VPS13A: variants seen among roughly 807,000 people sequenced by gnomAD.
VPS13A encodes vacuolar protein sorting 13 homolog A.
Under a neutral mutation model 390.9 loss-of-function variants are expected in VPS13A, and 264 were observed. The ratio of observed to expected loss-of-function variants is 0.68; its 90% confidence interval spans 0.61 to 0.75. The LOEUF (loss-of-function observed/expected upper bound fraction) is 0.75, where lower values mean the gene tolerates loss of function less well. VPS13A is among the 30% of genes least tolerant of loss of function. VPS13A has a pLI of 0.00. For missense variants in VPS13A, 3,409 were observed against 3,733.9 expected (o/e 0.91, Z 2.27); for synonymous variants, 1,231 against 1,227.1 (o/e 1.00, Z -0.07).
At chr9:77,335,918 G>A (rs1016055349) in intron 46 of VPS13A, among the ~76,000 whole-genome samples, 2 of 152,126 alleles carry the variant, frequency 1.3e-5, no homozygotes, top group Non-Finnish European at 2.9e-5. Context: ...TATGTTTATT[G>A]CAGCACTGTT....
chr9:77,198,323 A>T (rs62573165), intron 1 of VPS13A, among the ~76,000 whole-genome samples: 15,599 of 152,122 alleles, frequency 0.1, 821 homozygotes, highest in Middle Eastern at 0.13. Context: ...ATAAACTGTC[A>T]TAATTTATTG....
At position 77,345,160 on chromosome 9, in the gene VPS13A, A is replaced by G. The variant is rs574695490; in HGVS notation, c.7289+18A>G. ...AATCAAAGGTAAGATTATCACAAAT[A>G]CAGTAACTCTTGATGGTGTAAGTCT... On this transcript the variant is annotated intron_variant, in intron 52 of 71. Transcript: ENST00000360280. 1.9e-6 allele frequency: 3 copies of G among 1,611,734 alleles called. No individual in the cohort carries two copies. The East Asian group carries it at 6.7e-5, about 36-fold the overall frequency.
At chr9:77,200,954 ATTC>A (rs1197937358) in intron 2 of VPS13A, among the ~76,000 whole-genome samples, 2 of 152,176 alleles carry the variant, frequency 1.3e-5, no homozygotes, top group East Asian at 3.8e-4. Context: ...TTAAAAGGCT[ATTC>A]TTTGAATGGG....
At position 77,226,875 on chromosome 9, in the gene VPS13A, G is replaced by A. The variant is rs11145345; in HGVS notation, c.1357+277G>A. ...AATAAATAAATAAAAATTCCAAAGT[G>A]TTCTCCATTGTAAATTTTTATTGAA... On this transcript the variant is annotated intron_variant, in intron 15 of 71. Coordinates refer to ENST00000360280, the MANE Select transcript of VPS13A (RefSeq NM_033305.3). 0.1 allele frequency among the ~76,000 whole-genome samples: 15,533 copies of A among 152,050 alleles called. 823 individuals carry two copies. Among genetic ancestry groups the A allele is most frequent in the Middle Eastern group, 0.13 (38 of 292 alleles).
chr9:77,410,674 A>G (rs1203316045), intron 71 of VPS13A, among the ~76,000 whole-genome samples: 2 of 152,158 alleles, frequency 1.3e-5, no homozygotes, highest in South Asian at 2.1e-4. Flanking sequence ...CTTTAAACCA[A>G]CAAAGATCAA....
rs973414822 is a variant in VPS13A, at chr9:77,419,072, C to CAAAT, written c.*3068_*3071dup. ...GCCTGTAGAAGCTCAAAGTGTGTAC[C>CAAAT]AAATACATTGACAGTGGATGCTTTC... On this transcript the variant is annotated 3_prime_UTR_variant, in exon 72 of 72. Transcript: ENST00000360280. 1 of 152,090 alleles carries CAAAT rather than the reference C, an allele frequency of 6.6e-6. No homozygotes were observed. Among genetic ancestry groups the CAAAT allele is most frequent in the African/African-American group, 2.4e-5 (1 of 41,414 alleles). The allele number at this position is 152,090 out of a possible 1,614,324, so 9.4% of individuals were successfully genotyped here.
intron 12 of VPS13A, among the ~76,000 whole-genome samples, chr9:77,220,812 A>G (rs1010150514): frequency 1.3e-5 from 2 of 152,080 alleles, no homozygotes; most frequent in Non-Finnish European, 2.9e-5. Context: ...TTAAAACTCA[A>G]AAGTCTTGTT....
chr9:77,246,630 T>G (rs1415278615), intron 19 of VPS13A, among the ~76,000 whole-genome samples: 1 of 152,164 alleles, frequency 6.6e-6, no homozygotes, highest in African/African-American at 2.4e-5. Flanking sequence ...AATAATTTGT[T>G]TAGATTTAAA....
chr9:77,316,520 T>C, intron 39 of VPS13A, 114 bp downstream of exon 39: 1 of 859,640 alleles, frequency 1.2e-6, no homozygotes, highest in Non-Finnish European at 1.9e-6. Flanking sequence ...GTAAAATGTC[T>C]TTCTCTCTGC....
At chr9:77,210,830 T>G (rs925216956) in intron 7 of VPS13A, among the ~76,000 whole-genome samples, 155 bp downstream of exon 7, 1 of 152,160 alleles carries the variant, frequency 6.6e-6, no homozygotes, top group Non-Finnish European at 1.5e-5. Flanking sequence ...GTATGTAGAT[T>G]CACATTTCAA....
rs1178052890 is a variant in VPS13A at position 77,323,396 on chromosome 9, G to A, written c.5991+169G>A. On this transcript the variant is annotated intron_variant, in intron 45 of 71. Transcript: ENST00000360280. The stretch of plus-strand genomic sequence containing the variant: ...ACCAGTTGCGCTACTTGGTTATGAC[G>A]GGTGGTAGGAATTTGTTCAATATAC... Among the ~76,000 whole-genome samples the A allele has an allele frequency of 2.0e-5, 3 of 152,004 alleles. No homozygotes were observed. In the East Asian group the frequency reaches 5.8e-4, roughly 29 times the overall value.
At chr9:77,392,227 T>C (rs1215541390) in intron 68 of VPS13A, among the ~76,000 whole-genome samples, 1 of 152,126 alleles carries the variant, frequency 6.6e-6, no homozygotes, top group Non-Finnish European at 1.5e-5. Context: ...GCAAGAGACA[T>C]GATAACAGTT....
intron 68 of VPS13A, chr9:77,385,208 G>T: frequency 1.1e-6 from 1 of 891,136 alleles, no homozygotes; most frequent in Non-Finnish European, 1.3e-6. Context: ...TGAATTTGTT[G>T]TTCTATCCCC....
chr9:77,323,263 T>G (rs753777681), intron 45 of VPS13A, 36 bp downstream of exon 45: 14 of 1,606,262 alleles, frequency 8.7e-6, no homozygotes, highest in Non-Finnish European at 1.2e-5. Context: ...TGTCCTGTTA[T>G]GCATATCTGT....
intron 17 of VPS13A, among the ~76,000 whole-genome samples, chr9:77,232,185 A>G (rs1167130172): frequency 6.6e-6 from 1 of 152,132 alleles, no homozygotes; most frequent in East Asian, 1.9e-4. Flanking sequence ...GTAAGTTTTG[A>G]AATTGGGAAG....
intron 34 of VPS13A, among the ~76,000 whole-genome samples, 173 bp from the exon 35 acceptor site, chr9:77,307,772 T>C (rs1295892067): frequency 6.6e-6 from 1 of 152,210 alleles, no homozygotes; most frequent in East Asian, 1.9e-4. Flanking sequence ...CACAAGCTAC[T>C]AAAGAGCACA....
chr9:77,268,307 C>T (rs571913211), intron 23 of VPS13A, among the ~76,000 whole-genome samples: 147 of 152,258 alleles, frequency 9.7e-4, no homozygotes, highest in Non-Finnish European at 1.7e-3. Flanking sequence ...CCTGGTCTGC[C>T]GGTTGCGAAG....
chr9:77,201,231 ATGT>A (rs1484907299), intron 2 of VPS13A, 131 bp from the exon 3 acceptor site: 3 of 625,982 alleles, frequency 4.8e-6, no homozygotes, highest in Admixed American at 2.9e-5. Flanking sequence ...ATTTAAATAA[ATGT>A]TGATGATAAG....
chr9:77,309,204 T>A (rs1165233154), intron 35 of VPS13A, among the ~76,000 whole-genome samples: 1 of 152,094 alleles, frequency 6.6e-6, no homozygotes. Flanking sequence ...TTGCTGAAAA[T>A]TTGAAACAAA....
Sources: allele counts gnomAD v4.1 joint callset (sites outside exome capture counted in the v4.1 genomes callset), GRCh38; gene constraint gnomAD v4.1.1; transcripts MANE v1.5; gene names NCBI Gene and HGNC (gene_info 2026-07-23, HGNC 2026-07-21).